The following CA6 variants were observed in gnomAD, a reference collection of about 807,000 sequenced individuals.
CA6 encodes the protein carbonate dehydratase VI.
In CA6, 28 loss-of-function variants were observed where a neutral mutation model predicts 35.9. That is an observed-to-expected ratio of 0.78 (90% confidence interval 0.58 to 1.07). CA6 has a LOEUF of 1.07. Ranked by LOEUF, CA6 falls within the 50% of genes least tolerant of loss-of-function variation. The pLI is 0.00. For synonymous variants in CA6, 148 were observed against 152.6 expected, an observed-to-expected ratio of 0.97 and a Z score of 0.22; for missense variants, 377 against 382.0, an observed-to-expected ratio of 0.99 and a Z score of 0.11.
chr1:8,949,567 CTCGAACATGAGGG>C, intron 2 of CA6, 125 bp downstream of exon 2: 2 of 801,172 alleles, frequency 2.5e-6, no homozygotes, highest in Admixed American at 2.9e-5. Flanking sequence ...AGCTGGAGGC[CTCGAACATGAGGG>C]TCGAACATGA....
intron 5 of CA6, 105 bp from the exon 6 acceptor site, chr1:8,967,554 G>T (rs1640000186): frequency 3.6e-6 from 3 of 842,260 alleles, no homozygotes; most frequent in Non-Finnish European, 5.7e-6. Flanking sequence ...TCTATGTTCT[G>T]CTGAACTCAA....
At chr1:8,962,500 C>A in intron 4 of CA6, 87 bp from the exon 5 acceptor site, 1 of 1,118,962 alleles carries the variant, frequency 8.9e-7, no homozygotes, top group Non-Finnish European at 1.4e-6. Flanking sequence ...TCGGCCCAAT[C>A]CGCTAGAAAG....
intron 6 of CA6, among the ~76,000 whole-genome samples, chr1:8,968,890 C>T (rs1640037834): frequency 6.6e-6 from 1 of 150,864 alleles, no homozygotes; most frequent in Non-Finnish European, 1.5e-5. Context: ...GGTGGTGGGG[C>T]GCTTGTAATC....
At position 8,945,928 on chromosome 1, in the gene CA6, T is replaced by A. The variant is rs963087781; in HGVS notation, c.42T>A (p.Gly14=). The A allele has an allele frequency of 1.2e-6, 2 of 1,613,770 alleles. No individual in the cohort carries two copies. The highest frequency in any genetic ancestry group is 3.3e-5 in the Admixed American group (2 of 60,008). Reference sequence around the variant, plus strand: ...TTCTGCTGTCCCTGTTCCTGCTGGGTGGCCAGGCCCAGCATGTGTCTGACT... The same window carrying A: ...TTCTGCTGTCCCTGTTCCTGCTGGGAGGCCAGGCCCAGCATGTGTCTGACT... ...LVLLLSLFLL[G]GQAQHVSDWT... The change falls in exon 1 of 8, where the codon GGT becomes GGA. Residue 14 remains glycine (G), a synonymous_variant. Coordinates refer to ENST00000377443, the MANE Select transcript of CA6 (RefSeq NM_001215.4).
chr1:8,965,073 G>A (rs185807961), intron 5 of CA6, among the ~76,000 whole-genome samples: 1 of 152,112 alleles, frequency 6.6e-6, no homozygotes, highest in Admixed American at 6.6e-5. Context: ...GTTGAACCCC[G>A]TCTCTACTAA....
chr1:8,963,464 T>C lies in CA6; in HGVS notation c.571+808T>C, dbSNP rs1319875773. Among the ~76,000 whole-genome samples, 1 of 152,178 alleles carries C rather than the reference T, an allele frequency of 6.6e-6. No homozygotes were observed. The highest frequency in any genetic ancestry group is 1.5e-5 in the Non-Finnish European group (1 of 68,032). On this transcript the variant is annotated intron_variant, in intron 5 of 7. Coordinates refer to ENST00000377443, the MANE Select transcript of CA6 (RefSeq NM_001215.4). This position sits in a 1 kb window ranked among gnomAD's most constrained non-coding sequence, Gnocchi z 4.1. Reference sequence around the variant, plus strand: ...CAGACCAACTCTGGAGTTTTTTTAGTTATTTTCTTAGTGGTTGGCTGGCAG... The same window carrying C: ...CAGACCAACTCTGGAGTTTTTTTAGCTATTTTCTTAGTGGTTGGCTGGCAG...
chr1:8,951,170 C>T (rs1409339414), intron 2 of CA6, among the ~76,000 whole-genome samples: 2 of 150,450 alleles, frequency 1.3e-5, no homozygotes, highest in Non-Finnish European at 2.9e-5. Flanking sequence ...GAGCCAAGAT[C>T]GTGCCATTGC....
At chr1:8,972,285 A>T (rs761874754) in intron 7 of CA6, among the ~76,000 whole-genome samples, 4 of 152,084 alleles carry the variant, frequency 2.6e-5, no homozygotes, top group Non-Finnish European at 5.9e-5. Context: ...TCCTGGCCAC[A>T]AGCAATCCTC....
At chr1:8,962,496 C>T in intron 4 of CA6, 91 bp from the exon 5 acceptor site, 1 of 1,084,324 alleles carries the variant, frequency 9.2e-7, no homozygotes, top group Non-Finnish European at 1.4e-6. Context: ...AGGCTCGGCC[C>T]AATCCGCTAG....
rs369750096 is a variant in CA6, at chr1:8,945,985, A to G, written c.79+20A>G. The stretch of plus-strand genomic sequence containing the variant: ...ACTCAGGTGAGCCCCTAGCTTCTGC[A>G]TGCTCCCCCAGTTACCCTCACACCC... On this transcript the variant is annotated intron_variant, in intron 1 of 7. Coordinates refer to ENST00000377443, the MANE Select transcript of CA6 (RefSeq NM_001215.4). 7.1e-6 allele frequency: 11 copies of G among 1,541,898 alleles called. No individual in the cohort carries two copies. The highest frequency in any genetic ancestry group is 1.7e-4 in the Middle Eastern group (1 of 5,940).
At chr1:8,971,018 TAACTCCTGTTTTG>T in intron 7 of CA6, 37 bp downstream of exon 7, 1 of 1,361,576 alleles carries the variant, frequency 7.3e-7, no homozygotes, top group Non-Finnish European at 1.1e-6. Flanking sequence ...CTCTGCAGTT[TAACTCCTGTTTTG>T]CTCCTTCCTC....
intron 6 of CA6, among the ~76,000 whole-genome samples, chr1:8,970,355 T>C (rs551456027): frequency 6.6e-6 from 1 of 152,252 alleles, no homozygotes; most frequent in Non-Finnish European, 1.5e-5. Flanking sequence ...AGAGCTTGTG[T>C]GCAGATACCT....
chr1:8,950,662 G>A (rs955546758), intron 2 of CA6, among the ~76,000 whole-genome samples: 2 of 151,690 alleles, frequency 1.3e-5, no homozygotes, highest in Non-Finnish European at 1.5e-5. Flanking sequence ...TGATGCCAGA[G>A]TTTGAGACCA....
intron 4 of CA6, among the ~76,000 whole-genome samples, chr1:8,959,817 AG>A (rs1639788159): frequency 6.6e-6 from 1 of 150,996 alleles, no homozygotes; most frequent in African/African-American, 2.4e-5. Context: ...CTGTAATTCC[AG>A]CTACTTGGGA....
intron 2 of CA6, chr1:8,951,569 C>T (rs781656899): frequency 2.6e-6 from 2 of 765,182 alleles, no homozygotes; most frequent in African/African-American, 3.4e-5. Context: ...ATGGGCAACG[C>T]TTGCTGAGTG....
intron 6 of CA6, among the ~76,000 whole-genome samples, chr1:8,970,205 C>CAAA (rs57388930): frequency 1.4e-4 from 12 of 87,894 alleles, no homozygotes; most frequent in East Asian, 3.3e-4. Context: ...ACTCTGGTCT[C>CAAA]AAAAAAAAAA....
intron 2 of CA6, among the ~76,000 whole-genome samples, chr1:8,953,336 T>C (rs560555086): frequency 6.6e-6 from 1 of 152,140 alleles, no homozygotes; most frequent in South Asian, 2.1e-4. Context: ...ATAAAACCCA[T>C]ATGCAGGCCA....
At chr1:8,949,545 G>A (rs965825537) in intron 2 of CA6, 103 bp downstream of exon 2, 2 of 1,032,000 alleles carry the variant, frequency 1.9e-6, no homozygotes, top group African/African-American at 3.3e-5. Flanking sequence ...GAGACACAGA[G>A]CACGGCCTCA....
chr1:8,950,858 C>T (rs936610335), intron 2 of CA6, among the ~76,000 whole-genome samples: 3 of 149,548 alleles, frequency 2.0e-5, no homozygotes, highest in Admixed American at 6.6e-5. Context: ...AGAGCGAGAC[C>T]GTTTCTTTAA....
Sources: allele counts gnomAD v4.1 joint callset (sites outside exome capture counted in the v4.1 genomes callset), GRCh38; gene constraint gnomAD v4.1.1; non-coding constraint Gnocchi (gnomAD v3.1); transcripts MANE v1.5; gene names NCBI Gene and HGNC (gene_info 2026-07-23, HGNC 2026-07-21).